Variants in SRPK2 observed in about 807,000 individuals in gnomAD.
The protein encoded by SRPK2 is SRSF protein kinase 2, also known as SFRS protein kinase 2.
SRPK2 carries 21 observed loss-of-function variants against 90.8 expected under a neutral mutation model. The observed-to-expected ratio is 0.23, with a 90% confidence interval of 0.16 to 0.33. SRPK2 has a LOEUF of 0.33. Ranked by LOEUF, SRPK2 falls within the 10% of genes least tolerant of loss-of-function variation. The probability of loss-of-function intolerance (pLI) is 1.00; values close to 1 mark genes in which losing one functional copy is unlikely to be tolerated. For missense variants in SRPK2, 620 were observed against 869.0 expected (o/e 0.71, Z 3.60); for synonymous variants, 288 against 311.1 (o/e 0.93, Z 0.78).
At chr7:105,230,589 T>TA in intron 2 of SRPK2, among the ~76,000 whole-genome samples, 1 of 152,336 alleles carries the variant, frequency 6.6e-6, no homozygotes, top group Admixed American at 6.5e-5. Context: ...AGGACATGTA[T>TA]ACCAACGAGG....
At chr7:105,365,977 C>G (rs1257572369) in intron 2 of SRPK2, among the ~76,000 whole-genome samples, 1 of 152,042 alleles carries the variant, frequency 6.6e-6, no homozygotes, top group East Asian at 1.9e-4. Context: ...GCCTCAGCCT[C>G]CCAAGTAGCT....
intron 2 of SRPK2, among the ~76,000 whole-genome samples, chr7:105,238,586 C>G (rs1193319353): frequency 6.6e-6 from 1 of 152,192 alleles, no homozygotes; most frequent in Non-Finnish European, 1.5e-5. Context: ...TGCTGCCTCT[C>G]CCATTGCCCA....
chr7:105,294,091 C>T lies in SRPK2; in HGVS notation c.72-90306G>A, dbSNP rs180828896. Among the ~76,000 whole-genome samples, 209 of 152,286 alleles carry T rather than the reference C, an allele frequency of 1.4e-3. 4 individuals carry two copies. The highest frequency in any genetic ancestry group is 4.9e-3 in the African/African-American group (204 of 41,564). On this transcript the variant is annotated intron_variant, in intron 2 of 15. Transcript: ENST00000393651. ...GGGCTGCCAGTGGGCATCTCTAGTC[C>T]ATACCTGTACCCATGTGCCCCTAGT...
chr7:105,132,840 A>G lies in SRPK2; in HGVS notation c.1703T>C (p.Ile568Thr). ...CGCAGGGGTGCTGTACCCCGCTCCTATTAAAACCTCTATGGAGCGGTACTG... is the reference window on the plus strand; with the variant it reads ...CGCAGGGGTGCTGTACCCCGCTCCTGTTAAAACCTCTATGGAGCGGTACTG... Reference protein sequence around the residue: ...TRQYRSIEVLIGAGYSTPADI... With the variant: ...TRQYRSIEVLTGAGYSTPADI... The change falls in exon 13 of 16, where the codon ATA becomes ACA. Residue 568 changes from isoleucine to threonine, a missense_variant. Around this residue, in one of 8 missense-constraint regions of SRPK2, gnomAD observed 25 missense variants for 21.4 expected, o/e 1.17. Coordinates refer to ENST00000393651, the MANE Select transcript of SRPK2 (RefSeq NM_182692.3). 2 of 1,610,956 alleles carry G rather than the reference A, an allele frequency of 1.2e-6. No individual in the cohort carries two copies. The highest frequency in any genetic ancestry group is 1.7e-6 in the Non-Finnish European group (2 of 1,178,398).
intron 8 of SRPK2, among the ~76,000 whole-genome samples, chr7:105,145,936 G>C (rs1413884692): frequency 2.0e-5 from 3 of 152,130 alleles, no homozygotes; most frequent in Non-Finnish European, 4.4e-5. Context: ...CAAAGGCACA[G>C]ATCATGGTGT....
Position 105,117,499 on chromosome 7 carries a change from A to G in SRPK2, c.*339T>C, listed in dbSNP as rs1340569794. 7.3e-6 allele frequency: 2 copies of G among 272,638 alleles called. No homozygotes were observed. Among genetic ancestry groups the G allele is most frequent in the Non-Finnish European group, 1.4e-5 (2 of 143,474 alleles). 16.9% of individuals were successfully genotyped at this position (272,638 alleles called of 1,614,324 possible). A position where few individuals can be genotyped will look rare whatever the true frequency, so the allele number is the denominator to read the frequency against. On this transcript the variant is annotated 3_prime_UTR_variant, in exon 16 of 16. Coordinates refer to ENST00000393651, the MANE Select transcript of SRPK2 (RefSeq NM_182692.3). The stretch of plus-strand genomic sequence containing the variant: ...ACTCAGCTAAAATATTTCTTCATAA[A>G]TAGTTACAAAACCTGCCAAAACACA...
Position 105,281,105 on chromosome 7 carries a change from G to A in SRPK2, c.72-77320C>T, listed in dbSNP as rs563482791. On this transcript the variant is annotated intron_variant, in intron 2 of 15. Transcript: ENST00000393651. The stretch of plus-strand genomic sequence containing the variant: ...GTATTTGTTGTTTGGTTTTTCCCCC[G>A]CTTTTTCTGAGACAGGAGTCTCTCT... Among the ~76,000 whole-genome samples the A allele has an allele frequency of 9.1e-4, 133 of 146,844 alleles. 3 individuals are homozygous for A. Among genetic ancestry groups the A allele is most frequent in the African/African-American group, 3.2e-3 (126 of 39,464 alleles).
At chr7:105,186,594 G>A (rs757752254) in intron 3 of SRPK2, among the ~76,000 whole-genome samples, 1 of 152,140 alleles carries the variant, frequency 6.6e-6, no homozygotes, top group Non-Finnish European at 1.5e-5. Flanking sequence ...TTCAACAAAG[G>A]CCGAAACAGT....
chr7:105,127,897 C>T (rs576470269), intron 13 of SRPK2, among the ~76,000 whole-genome samples: 11 of 152,324 alleles, frequency 7.2e-5, no homozygotes, highest in South Asian at 2.1e-4. Context: ...CTATTCTGAA[C>T]GGATCTTGCT....
chr7:105,300,627 C>T (rs948870295), intron 2 of SRPK2, among the ~76,000 whole-genome samples: 4 of 152,036 alleles, frequency 2.6e-5, no homozygotes, highest in Non-Finnish European at 5.9e-5. Context: ...TGACAAAGGG[C>T]TAATATCCAG....
At chr7:105,397,093 C>T (rs1822352901) in intron 1 of SRPK2, among the ~76,000 whole-genome samples, 1 of 152,094 alleles carries the variant, frequency 6.6e-6, no homozygotes, top group Admixed American at 6.6e-5. Flanking sequence ...TCTCAGCTCA[C>T]TACAACTTCC....
chr7:105,345,197 GGGGAGGGGAA>G (rs1051258365), intron 2 of SRPK2, among the ~76,000 whole-genome samples: 13 of 150,870 alleles, frequency 8.6e-5, no homozygotes, highest in African/African-American at 2.9e-4. Context: ...GGGGAGGGGA[GGGGAGGGGAA>G]GGGAGGAAAG....
At chr7:105,265,783 A>G (rs1804982597) in intron 2 of SRPK2, among the ~76,000 whole-genome samples, 1 of 152,132 alleles carries the variant, frequency 6.6e-6, no homozygotes. Context: ...TACCCCTAAA[A>G]TCTCCAGAGG....
intron 15 of SRPK2, among the ~76,000 whole-genome samples, chr7:105,118,819 G>T: frequency 6.6e-6 from 1 of 152,054 alleles, no homozygotes; most frequent in Non-Finnish European, 1.5e-5. Context: ...GCTGAGGCAG[G>T]AGCATTGCTT....
intron 3 of SRPK2, among the ~76,000 whole-genome samples, chr7:105,182,046 T>C (rs1054191416): frequency 6.6e-6 from 1 of 151,518 alleles, no homozygotes; most frequent in African/African-American, 2.4e-5. Context: ...CTGGCCAGCA[T>C]GATGAAACCC....
At position 105,132,720 on chromosome 7, in the gene SRPK2, ACT is replaced by A. The variant is rs1802196886; in HGVS notation, c.1752+69_1752+70del. The A allele has an allele frequency of 1.5e-5, 19 of 1,267,816 alleles. No individual in the cohort carries two copies. In the East Asian group the frequency reaches 4.8e-4, roughly 32 times the overall value. 78.5% of individuals were successfully genotyped at this position (1,267,816 alleles called of 1,614,324 possible). On this transcript the variant is annotated intron_variant, in intron 13 of 15. Transcript: ENST00000393651. Reference sequence around the variant, plus strand: ...AACTGAGGTCGCATGCCTCAGAGAGACTCAGCCCCATCCAGAGTGTGAAAGGA... The same window carrying A: ...AACTGAGGTCGCATGCCTCAGAGAGACAGCCCCATCCAGAGTGTGAAAGGA...
chr7:105,345,429 G>C (rs1025839686), intron 2 of SRPK2, among the ~76,000 whole-genome samples: 1 of 152,042 alleles, frequency 6.6e-6, no homozygotes, highest in Admixed American at 6.6e-5. Flanking sequence ...AGTTTGATGA[G>C]ATACCCTAAA....
At chr7:105,364,006 G>A (rs932031231) in intron 2 of SRPK2, among the ~76,000 whole-genome samples, 5 of 151,506 alleles carry the variant, frequency 3.3e-5, no homozygotes, top group Non-Finnish European at 7.4e-5. Flanking sequence ...GACACAGGGC[G>A]GGGAACATCA....
At chr7:105,314,507 C>CT (rs2131435930) in intron 2 of SRPK2, among the ~76,000 whole-genome samples, 1 of 152,166 alleles carries the variant, frequency 6.6e-6, no homozygotes, top group East Asian at 2.0e-4. Flanking sequence ...CCTCAGCCTC[C>CT]TGAGTAGCTG....
Sources: allele counts gnomAD v4.1 joint callset (sites outside exome capture counted in the v4.1 genomes callset), GRCh38; gene constraint gnomAD v4.1.1; regional missense constraint gnomAD v4.1.1; transcripts MANE v1.5; gene names NCBI Gene and HGNC (gene_info 2026-07-23, HGNC 2026-07-21).